Variants in SLC35F3 observed in about 807,000 individuals in gnomAD.
SLC35F3 encodes solute carrier family 35 member F3, also known as putative thiamine transporter SLC35F3.
A neutral mutation model predicts 49.9 loss-of-function variants in SLC35F3; 25 were observed. That is an observed-to-expected ratio of 0.50 (90% CI 0.37 to 0.70). The LOEUF (loss-of-function observed/expected upper bound fraction) is 0.70, where lower values mean the gene tolerates loss of function less well. Among genes scored for constraint, SLC35F3 ranks in the 30% least tolerant of loss-of-function variants. The pLI is 0.00. For synonymous variants in SLC35F3, 275 were observed against 265.4 expected (o/e 1.04, Z -0.35); for missense variants, 525 against 639.8 (o/e 0.82, Z 1.94).
chr1:234,232,754 A>G, intron 3 of SLC35F3, among the ~76,000 whole-genome samples: 1 of 152,134 alleles, frequency 6.6e-6, no homozygotes, highest in Non-Finnish European at 1.5e-5. Flanking sequence ...AGAAGATACA[A>G]GGTAACTAAA....
At chr1:234,034,877 A>G (rs946738647) in intron 2 of SLC35F3, among the ~76,000 whole-genome samples, 3 of 152,334 alleles carry the variant, frequency 2.0e-5, no homozygotes, top group South Asian at 2.1e-4. Flanking sequence ...TTAATTCTCC[A>G]TAAAATTAAT....
At chr1:234,031,179 A>G (rs1572025826) in intron 2 of SLC35F3, among the ~76,000 whole-genome samples, 1 of 152,154 alleles carries the variant, frequency 6.6e-6, no homozygotes, top group African/African-American at 2.4e-5. Context: ...AAGCGCACCC[A>G]CTTTCTGGGT....
intron 2 of SLC35F3, among the ~76,000 whole-genome samples, chr1:234,072,986 G>A (rs1664740396): frequency 6.6e-6 from 1 of 152,192 alleles, no homozygotes; most frequent in African/African-American, 2.4e-5. Context: ...GGGAGACCTG[G>A]CGAGGGTGTT....
chr1:234,184,722 C>T (rs1666608780), intron 2 of SLC35F3, among the ~76,000 whole-genome samples: 1 of 152,148 alleles, frequency 6.6e-6, no homozygotes, highest in South Asian at 2.1e-4. Flanking sequence ...GAGGACTCAG[C>T]TCCGCAGGCC....
intron 3 of SLC35F3, among the ~76,000 whole-genome samples, chr1:234,289,904 G>A (rs1166664874): frequency 6.6e-6 from 1 of 152,182 alleles, no homozygotes; most frequent in African/African-American, 2.4e-5. Flanking sequence ...ACAAATGGTG[G>A]AACTTACATC....
At chr1:234,070,171 C>A (rs1664692145) in intron 2 of SLC35F3, among the ~76,000 whole-genome samples, 1 of 152,168 alleles carries the variant, frequency 6.6e-6, no homozygotes, top group Non-Finnish European at 1.5e-5. Context: ...GAGCCCTGTA[C>A]AAACACAGCA....
chr1:233,949,278 G>C (rs1041996947), intron 2 of SLC35F3, among the ~76,000 whole-genome samples: 26 of 152,062 alleles, frequency 1.7e-4, no homozygotes, highest in African/African-American at 5.6e-4. Context: ...TATTAGTGGG[G>C]TCCTTGAGCA....
intron 3 of SLC35F3, among the ~76,000 whole-genome samples, chr1:234,277,896 A>G (rs1449792254): frequency 6.6e-6 from 1 of 152,230 alleles, no homozygotes; most frequent in African/African-American, 2.4e-5. Flanking sequence ...CACTTGGGAA[A>G]AAGAAAGACT....
chr1:234,261,600 C>A (rs1168847258), intron 3 of SLC35F3: 1 of 152,298 alleles, frequency 6.6e-6, no homozygotes, highest in Non-Finnish European at 1.5e-5. Context: ...TTATTACATC[C>A]TGTTTTATCA....
At chr1:234,215,708 G>A (rs1250926635) in intron 2 of SLC35F3, among the ~76,000 whole-genome samples, 6 of 152,162 alleles carry the variant, frequency 3.9e-5, no homozygotes, top group African/African-American at 1.2e-4. Flanking sequence ...CAGAACCAGC[G>A]AGGACAAGAC....
chr1:233,921,044 G>A (rs1426856957), intron 2 of SLC35F3, among the ~76,000 whole-genome samples: 1 of 152,240 alleles, frequency 6.6e-6, no homozygotes, highest in Admixed American at 6.5e-5. Context: ...TAACACATGT[G>A]TCTTGTTGGG....
intron 2 of SLC35F3, among the ~76,000 whole-genome samples, chr1:234,077,742 C>T (rs888328772): frequency 4.6e-5 from 7 of 152,268 alleles, no homozygotes; most frequent in African/African-American, 1.4e-4. Flanking sequence ...CTGTGGGGCT[C>T]AACTCCAGAA....
intron 2 of SLC35F3, among the ~76,000 whole-genome samples, chr1:233,988,774 A>T (rs1419304297): frequency 6.6e-6 from 1 of 152,224 alleles, no homozygotes; most frequent in African/African-American, 2.4e-5. Flanking sequence ...ACTATCATTT[A>T]AGTGAGATTT....
intron 2 of SLC35F3, chr1:234,212,890 C>T (rs1477126116): frequency 1.3e-5 from 2 of 152,126 alleles, no homozygotes; most frequent in Admixed American, 6.5e-5. Flanking sequence ...AGTCTTGGAA[C>T]GTTTCCTGTA....
intron 2 of SLC35F3, among the ~76,000 whole-genome samples, chr1:233,926,958 C>G (rs1202871763): frequency 6.6e-6 from 1 of 152,140 alleles, no homozygotes; most frequent in African/African-American, 2.4e-5. Context: ...CTGGGTATCA[C>G]CAGCGGAGGC....
intron 2 of SLC35F3, among the ~76,000 whole-genome samples, chr1:234,031,630 A>G (rs1199330209): frequency 6.6e-6 from 1 of 152,154 alleles, no homozygotes; most frequent in Non-Finnish European, 1.5e-5. Context: ...CTGCAACCTC[A>G]AACTCCTGGC....
chr1:234,264,246 A>G (rs1270334077), intron 3 of SLC35F3, among the ~76,000 whole-genome samples: 1 of 152,220 alleles, frequency 6.6e-6, no homozygotes, highest in Non-Finnish European at 1.5e-5. Context: ...AGGTGTGCAC[A>G]AGGAACCTTC....
chr1:234,124,824 A>G (rs544617433), intron 2 of SLC35F3, among the ~76,000 whole-genome samples: 264 of 151,796 alleles, frequency 1.7e-3, no homozygotes, highest in Non-Finnish European at 3.0e-3. Flanking sequence ...GCTATGAGCA[A>G]CAGAGAAAGA....
chr1:234,141,828 C>T (rs975553946), intron 2 of SLC35F3, among the ~76,000 whole-genome samples: 22 of 150,638 alleles, frequency 1.5e-4, no homozygotes, highest in Admixed American at 2.6e-4. Flanking sequence ...TTAGCCCTAA[C>T]TCTTTTGCTT....
Sources: gnomAD v4.1 joint callset for allele counts (sites outside exome capture counted in the v4.1 genomes callset) on GRCh38, gnomAD v4.1.1 for gene constraint, MANE v1.5 for transcripts, NCBI Gene and HGNC (gene_info 2026-07-23, HGNC 2026-07-21) for gene names.